CTDSPL: variants seen among roughly 807,000 people sequenced by gnomAD.
The protein encoded by CTDSPL is CTD small phosphatase-like protein.
Under a neutral mutation model 30.5 loss-of-function variants are expected in CTDSPL, and 8 were observed. That is an observed-to-expected ratio of 0.26 (90% CI 0.15 to 0.47). The LOEUF (loss-of-function observed/expected upper bound fraction) is 0.47, where lower values mean the gene tolerates loss of function less well. CTDSPL is among the 20% of genes least tolerant of loss of function. The pLI is 0.99. For missense variants in CTDSPL, 248 were observed against 366.1 expected (o/e 0.68, Z 2.63); for synonymous variants, 110 against 137.9 (o/e 0.80, Z 1.42).
chr3:37,967,389 G>T (rs1346497275), intron 4 of CTDSPL, among the ~76,000 whole-genome samples: 1 of 152,248 alleles, frequency 6.6e-6, no homozygotes, highest in Non-Finnish European at 1.5e-5. Context: ...GCAGCCCATC[G>T]CAGGGCAGCC....
At chr3:37,886,155 G>C (rs1311402386) in intron 1 of CTDSPL, among the ~76,000 whole-genome samples, 1 of 152,130 alleles carries the variant, frequency 6.6e-6, no homozygotes, top group Non-Finnish European at 1.5e-5. Context: ...GGCTGCCAAA[G>C]TCATCTTCCC....
intron 6 of CTDSPL, among the ~76,000 whole-genome samples, chr3:37,972,929 A>G (rs1452862227): frequency 6.6e-6 from 1 of 152,176 alleles, no homozygotes; most frequent in Non-Finnish European, 1.5e-5. Context: ...TTCCTCCGCC[A>G]TGTCCTGCTT....
intron 1 of CTDSPL, among the ~76,000 whole-genome samples, chr3:37,932,944 G>A (rs1029231059): frequency 5.3e-5 from 8 of 152,192 alleles, no homozygotes; most frequent in Non-Finnish European, 2.9e-5. Flanking sequence ...GTTGAGGTCA[G>A]GAGTTCGAGA....
At chr3:37,868,589 C>T (rs1003942578) in intron 1 of CTDSPL, among the ~76,000 whole-genome samples, 3 of 151,948 alleles carry the variant, frequency 2.0e-5, no homozygotes, top group African/African-American at 7.2e-5. Flanking sequence ...TTTAATAAGG[C>T]GTGAAACTTT....
At chr3:37,976,836 C>G (rs1199524117) in intron 7 of CTDSPL, among the ~76,000 whole-genome samples, 2 of 152,042 alleles carry the variant, frequency 1.3e-5, no homozygotes, top group Non-Finnish European at 2.9e-5. Context: ...TGCCTGCTGC[C>G]TGACACTTCC....
At chr3:37,946,465 G>A (rs990012995) in intron 1 of CTDSPL, among the ~76,000 whole-genome samples, 13 of 152,220 alleles carry the variant, frequency 8.5e-5, no homozygotes, top group African/African-American at 3.1e-4. Flanking sequence ...CCTAAGCTCT[G>A]TGGATCCAGG....
At chr3:37,884,645 G>A (rs1175745977) in intron 1 of CTDSPL, among the ~76,000 whole-genome samples, 1 of 152,112 alleles carries the variant, frequency 6.6e-6, no homozygotes, top group Non-Finnish European at 1.5e-5. Context: ...GAAAGAAGGG[G>A]TAATCGGCTG....
At position 37,862,192 on chromosome 3, in the gene CTDSPL, G is replaced by A. The variant is rs1446105797; in HGVS notation, c.-8G>A. 40 of 1,213,032 alleles carry A rather than the reference G, an allele frequency of 3.3e-5. No individual in the cohort carries two copies. The highest frequency in any genetic ancestry group is 4.3e-5 in the Admixed American group (1 of 23,364). 75.1% of individuals were successfully genotyped at this position (1,213,032 alleles called of 1,614,324 possible). ...CGGGCCTGCGGGCGGCCGCCGCGCCGCGCACCCATGGACGGCCCGGCCATC... is the reference window on the plus strand; with the variant it reads ...CGGGCCTGCGGGCGGCCGCCGCGCCACGCACCCATGGACGGCCCGGCCATC... On this transcript the variant is annotated 5_prime_UTR_variant, in exon 1 of 8. Transcript: ENST00000273179. This position sits in a 1 kb window ranked among gnomAD's most constrained non-coding sequence, Gnocchi z 4.3.
intron 1 of CTDSPL, among the ~76,000 whole-genome samples, chr3:37,903,228 GA>G (rs1698472841): frequency 6.6e-6 from 1 of 152,222 alleles, no homozygotes; most frequent in Non-Finnish European, 1.5e-5. Context: ...TCCTGAGGCA[GA>G]CTTTGTTGTT....
intron 5 of CTDSPL, 40 bp from the exon 6 acceptor site, chr3:37,971,367 C>T: frequency 6.3e-7 from 1 of 1,585,154 alleles, no homozygotes; most frequent in Non-Finnish European, 8.6e-7. Flanking sequence ...TCCCCAGCAA[C>T]TGCCACATCT....
chr3:37,913,917 C>T (rs948136367), intron 1 of CTDSPL, among the ~76,000 whole-genome samples: 2 of 152,134 alleles, frequency 1.3e-5, no homozygotes, highest in Non-Finnish European at 2.9e-5. Context: ...TTTGCATTTC[C>T]ATGTAGATTT....
At chr3:37,929,724 A>G (rs1270583419) in intron 1 of CTDSPL, among the ~76,000 whole-genome samples, 1 of 152,172 alleles carries the variant, frequency 6.6e-6, no homozygotes, top group Non-Finnish European at 1.5e-5. Context: ...TGTCGCTGTG[A>G]TATTTTTACT....
At chr3:37,957,050 C>A in intron 2 of CTDSPL, 61 bp from the exon 3 acceptor site, 6 of 1,405,152 alleles carry the variant, frequency 4.3e-6, no homozygotes, top group Middle Eastern at 3.6e-4. Flanking sequence ...TTTGAAGTTT[C>A]TTTTGAGAAT....
intron 1 of CTDSPL, among the ~76,000 whole-genome samples, chr3:37,896,668 A>G (rs1382358191): frequency 6.6e-6 from 1 of 151,998 alleles, no homozygotes; most frequent in African/African-American, 2.4e-5. Flanking sequence ...CCCCCTGAGT[A>G]GCTGGAACTA....
In CTDSPL at chr3:37,894,296, A is replaced by G. The variant is rs146621198; in HGVS notation, c.79+32018A>G. Among the ~76,000 whole-genome samples, 422 of 151,794 alleles carry G rather than the reference A, an allele frequency of 2.8e-3. 12 individuals are homozygous for G. Among genetic ancestry groups the G allele is most frequent in the Admixed American group, 0.025 (386 of 15,226 alleles). Reference sequence around the variant, plus strand: ...TTTTTGTAGAGACGAGAGTCTCGCTAGAGTCTCGCTATATTGCCCAGGCCG... The same window carrying G: ...TTTTTGTAGAGACGAGAGTCTCGCTGGAGTCTCGCTATATTGCCCAGGCCG... On this transcript the variant is annotated intron_variant, in intron 1 of 7. Transcript: ENST00000273179.
chr3:37,904,412 A>G (rs1575290888), intron 1 of CTDSPL, among the ~76,000 whole-genome samples: 1 of 152,260 alleles, frequency 6.6e-6, no homozygotes, highest in Non-Finnish European at 1.5e-5. Flanking sequence ...TACTGATCTC[A>G]CCTGAGATGA....
At chr3:37,907,952 C>T (rs539171657) in intron 1 of CTDSPL, among the ~76,000 whole-genome samples, 7 of 152,262 alleles carry the variant, frequency 4.6e-5, no homozygotes, top group South Asian at 2.1e-4. Context: ...ATGGTAAATG[C>T]GACCCTATGC....
At chr3:37,961,744 T>A (rs1347350513) in intron 3 of CTDSPL, among the ~76,000 whole-genome samples, 1 of 152,178 alleles carries the variant, frequency 6.6e-6, no homozygotes. Context: ...TCTGAGGGCT[T>A]GAGGAGCACA....
At chr3:37,887,043 A>G (rs1698270720) in intron 1 of CTDSPL, among the ~76,000 whole-genome samples, 1 of 152,132 alleles carries the variant, frequency 6.6e-6, no homozygotes, top group African/African-American at 2.4e-5. Context: ...TTCTCATCTC[A>G]GGAATTGGTT....
Sources: allele counts gnomAD v4.1 joint callset (sites outside exome capture counted in the v4.1 genomes callset), GRCh38; gene constraint gnomAD v4.1.1; non-coding constraint Gnocchi (gnomAD v3.1); transcripts MANE v1.5; gene names NCBI Gene and HGNC (gene_info 2026-07-23, HGNC 2026-07-21).